The following PRKCQ variants were observed in gnomAD, a reference collection of about 807,000 sequenced individuals.
PRKCQ encodes protein kinase C theta type.
PRKCQ carries 41 observed loss-of-function variants against 91.2 expected under a neutral mutation model. The observed-to-expected ratio is 0.45, with a 90% CI of 0.35 to 0.58. The LOEUF is 0.58. Among genes scored for constraint, PRKCQ ranks in the 20% least tolerant of loss-of-function variants. The pLI is 0.00. For missense variants in PRKCQ, 673 were observed against 896.5 expected, an observed-to-expected ratio of 0.75 and a Z score of 3.18; for synonymous variants, 307 against 316.9, an observed-to-expected ratio of 0.97 and a Z score of 0.33.
intron 7 of PRKCQ, 140 bp downstream of exon 7, chr10:6,496,895 G>C: frequency 1.3e-6 from 1 of 792,266 alleles, no homozygotes; most frequent in Admixed American, 2.3e-5. Context: ...TATTGAAGAG[G>C]AAAGAGTTTT....
intron 15 of PRKCQ, among the ~76,000 whole-genome samples, chr10:6,444,620 G>C (rs17372283): frequency 0.2 from 31,094 of 152,024 alleles, 3,300 homozygotes; most frequent in Non-Finnish European, 0.23. Context: ...AAGCAAGACA[G>C]TCAGACTCTC....
At chr10:6,476,558 C>T (rs980318601) in intron 12 of PRKCQ, among the ~76,000 whole-genome samples, 1 of 152,154 alleles carries the variant, frequency 6.6e-6, no homozygotes, top group African/African-American at 2.4e-5. Flanking sequence ...TCATAAACAA[C>T]ATTCTGTATT....
At chr10:6,405,294 T>C in the PRKCQ span, among the ~76,000 whole-genome samples, 1 of 152,206 alleles carries the variant, frequency 6.6e-6, no homozygotes. Context: ...GATTCTGTTT[T>C]TCATAGTGAG....
At position 6,555,526 on chromosome 10, in the gene PRKCQ, G is replaced by A. The variant is rs190584152; in HGVS notation, c.-10+24685C>T. The stretch of plus-strand genomic sequence containing the variant: ...ATTCTGTGCTATCATTTGGATGGGG[G>A]AAAAAAGACATTCATTGTTGTGTAT... On this transcript the variant is annotated intron_variant, in intron 1 of 17. Coordinates refer to ENST00000263125, the MANE Select transcript of PRKCQ (RefSeq NM_006257.5). Among the ~76,000 whole-genome samples, 1,193 of 152,170 alleles carry A rather than the reference G, an allele frequency of 7.8e-3. 9 individuals are homozygous for A. The highest frequency in any genetic ancestry group is 0.027 in the African/African-American group (1,120 of 41,530).
the PRKCQ span, among the ~76,000 whole-genome samples, chr10:6,421,837 A>T: frequency 2.0e-5 from 3 of 152,258 alleles, no homozygotes; most frequent in Admixed American, 2.0e-4. The surrounding 1 kb of genome is among the most constrained non-coding windows in gnomAD (Gnocchi z 4.1). Flanking sequence ...ATGTGTGCTC[A>T]TCTAACCGTG....
chr10:6,480,918 C>G (rs150511151), intron 11 of PRKCQ, among the ~76,000 whole-genome samples: 1 of 152,258 alleles, frequency 6.6e-6, no homozygotes, highest in Non-Finnish European at 1.5e-5. Flanking sequence ...CCCCAGAGAA[C>G]ACACAATTTG....
At chr10:6,565,475 G>A (rs1469671381) in intron 1 of PRKCQ, among the ~76,000 whole-genome samples, 1 of 152,210 alleles carries the variant, frequency 6.6e-6, no homozygotes, top group East Asian at 1.9e-4. Context: ...GCTATGGGAA[G>A]TTGCTAATGG....
At chr10:6,424,676 T>C (rs1427959643), downstream of PRKCQ, among the ~76,000 whole-genome samples, 4 of 152,166 alleles carry the variant, frequency 2.6e-5, no homozygotes, top group Non-Finnish European at 5.9e-5. Flanking sequence ...TTTTATGATG[T>C]AACAAAGGCA....
intron 10 of PRKCQ, among the ~76,000 whole-genome samples, chr10:6,484,594 C>T (rs1409313804): frequency 6.6e-6 from 1 of 151,976 alleles, no homozygotes; most frequent in Non-Finnish European, 1.5e-5. Flanking sequence ...ACAATAGTCT[C>T]TATATTTTTA....
chr10:6,523,444 C>A (rs540997243), intron 1 of PRKCQ, among the ~76,000 whole-genome samples: 1 of 151,988 alleles, frequency 6.6e-6, no homozygotes, highest in Non-Finnish European at 1.5e-5. Context: ...AAGCAAGACC[C>A]TTTTCAAAAT....
intron 1 of PRKCQ, among the ~76,000 whole-genome samples, chr10:6,579,748 C>T (rs1841392091): frequency 6.6e-6 from 1 of 151,408 alleles, no homozygotes; most frequent in South Asian, 2.1e-4. Context: ...GCAATGGCAC[C>T]CCCGTCCGTG....
chr10:6,504,516 C>T (rs1382704805), intron 4 of PRKCQ, among the ~76,000 whole-genome samples: 5 of 152,206 alleles, frequency 3.3e-5, no homozygotes, highest in Non-Finnish European at 5.9e-5. Flanking sequence ...GAAAACTCAA[C>T]TCTTGCTAAC....
At chr10:6,455,793 G>A (rs927921001) in intron 15 of PRKCQ, among the ~76,000 whole-genome samples, 2 of 152,210 alleles carry the variant, frequency 1.3e-5, no homozygotes, top group Admixed American at 6.5e-5. Flanking sequence ...ACCACTGGGG[G>A]AAACTGGATG....
At chr10:6,433,860 A>C (rs1407477275) in intron 16 of PRKCQ, among the ~76,000 whole-genome samples, 1 of 151,678 alleles carries the variant, frequency 6.6e-6, no homozygotes, top group African/African-American at 2.4e-5. Flanking sequence ...GTGAAACCCC[A>C]TCTCTACTAA....
At chr10:6,448,415 A>AT (rs33922767) in intron 15 of PRKCQ, among the ~76,000 whole-genome samples, 59,675 of 148,384 alleles carry the variant, frequency 0.4, 12,299 homozygotes, top group Middle Eastern at 0.57. Flanking sequence ...GTAGCACTTA[A>AT]TTTTTTTTTT....
In PRKCQ at chr10:6,456,664, G is replaced by C; in HGVS notation, c.1647+10C>G. 2 of 1,613,790 alleles carry C rather than the reference G, an allele frequency of 1.2e-6. No individual in the cohort carries two copies. The highest frequency in any genetic ancestry group is 1.7e-6 in the Non-Finnish European group (2 of 1,179,778). ...GGTGAGGTGGGAGCAGCCTGTCACTGCATTCCTACCTCTGGGGCGATGTAG... is the reference window on the plus strand; with the variant it reads ...GGTGAGGTGGGAGCAGCCTGTCACTCCATTCCTACCTCTGGGGCGATGTAG... On this transcript the variant is annotated intron_variant, in intron 15 of 17. Transcript: ENST00000263125.
chr10:6,470,284 C>T (rs1417689841), intron 12 of PRKCQ, among the ~76,000 whole-genome samples: 1 of 149,714 alleles, frequency 6.7e-6, no homozygotes, highest in Non-Finnish European at 1.5e-5. Flanking sequence ...CTCCCTATCA[C>T]CTTTCCCCCC....
chr10:6,517,999 A>C (rs1838841370), intron 1 of PRKCQ, among the ~76,000 whole-genome samples: 1 of 152,224 alleles, frequency 6.6e-6, no homozygotes, highest in African/African-American at 2.4e-5. Context: ...ACCATTCCTG[A>C]AAAGACAAAA....
At chr10:6,420,331 C>T in the PRKCQ span, among the ~76,000 whole-genome samples, 8 of 152,138 alleles carry the variant, frequency 5.3e-5, no homozygotes, top group Admixed American at 1.3e-4. Flanking sequence ...TTTGTGTGGA[C>T]GCTCCACTCC....
Sources: allele counts gnomAD v4.1 joint callset (sites outside exome capture counted in the v4.1 genomes callset), GRCh38; gene constraint gnomAD v4.1.1; non-coding constraint Gnocchi (gnomAD v3.1); transcripts MANE v1.5; gene names NCBI Gene and HGNC (gene_info 2026-07-23, HGNC 2026-07-21).